RANBP1: variants seen among roughly 807,000 people sequenced by gnomAD.
RANBP1 encodes RAN binding protein 1, also known as ran-specific GTPase-activating protein.
A neutral mutation model predicts 31.4 loss-of-function variants in RANBP1; 16 were observed. That is an observed-to-expected ratio of 0.51 (90% CI 0.34 to 0.77). The LOEUF (loss-of-function observed/expected upper bound fraction) is 0.77. Among genes scored for constraint, RANBP1 ranks in the 30% least tolerant of loss-of-function variants. The probability of loss-of-function intolerance (pLI) is 0.01; values close to 1 mark genes in which losing one functional copy is unlikely to be tolerated. For missense variants in RANBP1, 265 were observed against 362.0 expected, an observed-to-expected ratio of 0.73 and a Z score of 2.17; for synonymous variants, 129 against 140.5, an observed-to-expected ratio of 0.92 and a Z score of 0.58.
At chr22:20,118,364 T>C (rs560413277) in intron 1 of RANBP1, 5 of 1,000,688 alleles carry the variant, frequency 5.0e-6, no homozygotes, top group Non-Finnish European at 6.0e-6. Flanking sequence ...GGTGCTCTCT[T>C]ATCCTCTAAA....
intron 1 of RANBP1, chr22:20,118,398 C>A (rs927045371): frequency 6.3e-6 from 6 of 955,852 alleles, no homozygotes; most frequent in African/African-American, 1.8e-5. Flanking sequence ...TCATGACTTT[C>A]ACCGGTACAA....
At chr22:20,117,114 G>T in intron 1 of RANBP1, 1 of 679,686 alleles carries the variant, frequency 1.5e-6, no homozygotes, top group Non-Finnish European at 2.4e-6. Flanking sequence ...GCTCAGGTCC[G>T]GGTCTCAGGC....
In RANBP1 at chr22:20,127,194, GTTT is replaced by G. The variant is rs143470990; in HGVS notation, c.*152_*154del. ...AAGAACTGAACTCAACATTCAGGTT[GTTT>G]TTTTTTTTTGTTTCTAAGTTTTTGC... On this transcript the variant is annotated 3_prime_UTR_variant, in exon 6 of 6. Coordinates refer to ENST00000430524, the MANE Select transcript of RANBP1 (RefSeq NM_001278639.2). 12 of 446,980 alleles carry G rather than the reference GTTT, an allele frequency of 2.7e-5. No individual in the cohort carries two copies. The highest frequency in any genetic ancestry group is 5.0e-5 in the East Asian group (1 of 19,944). 27.7% of individuals were successfully genotyped at this position (446,980 alleles called of 1,614,324 possible).
chr22:20,121,230 G>A (rs2050163023), intron 2 of RANBP1, among the ~76,000 whole-genome samples: 1 of 151,922 alleles, frequency 6.6e-6, no homozygotes, highest in South Asian at 2.1e-4. Context: ...TGGAATTACA[G>A]GCGTGAGCCC....
At chr22:20,117,648 C>T (rs867809433) in intron 1 of RANBP1, 181 of 1,174,066 alleles carry the variant, frequency 1.5e-4, no homozygotes, top group Middle Eastern at 7.2e-4. Context: ...CGCCGCGCCC[C>T]CATGGCGGCC....
At chr22:20,125,655 G>T (rs1371995712) in intron 4 of RANBP1, 1 of 1,438,306 alleles carries the variant, frequency 7.0e-7, no homozygotes, top group Non-Finnish European at 9.1e-7. Context: ...CCAAGTAGCT[G>T]GTGAACAGCA....
Position 20,116,297 on chromosome 22 carries a change from C to T in RANBP1, c.113C>T (p.Thr38Ile). ...CTCTCTGCAGCGCTGCGGAATGTCA[C>T]AAAGGCGCAGGGTGGTTGCCCAAAG... ...LSLSAALRNV[T>I]KAQGGCPKSL... The change falls in exon 1 of 6, where the codon ACA (threonine) becomes ATA (isoleucine). Residue 38 changes from threonine (T) to isoleucine (I), a missense_variant. Around this residue, in one of 3 missense-constraint regions of RANBP1, gnomAD observed 126 missense variants for 123.6 expected, o/e 1.02. Coordinates refer to ENST00000430524, the MANE Select transcript of RANBP1 (RefSeq NM_001278639.2). 1 of 1,612,990 alleles carries T rather than the reference C, an allele frequency of 6.2e-7. No individual in the cohort carries two copies. The highest frequency in any genetic ancestry group is 8.5e-7 in the Non-Finnish European group (1 of 1,180,028).
chr22:20,117,463 T>A, intron 1 of RANBP1: 1 of 1,199,132 alleles, frequency 8.3e-7, no homozygotes, highest in Non-Finnish European at 1.0e-6. Context: ...GTACTGGTTT[T>A]GAATCGCGGC....
rs560448160 is a variant in RANBP1, at chr22:20,116,257, C to T, written c.73C>T (p.Arg25Cys). The T allele has an allele frequency of 3.1e-6, 5 of 1,612,988 alleles. No individual in the cohort carries two copies. The Admixed American group carries it at 6.7e-5, about 21-fold the overall frequency. Residue 25 changes from arginine to cysteine, a missense_variant, in exon 1 of 6, where the codon CGC becomes TGC. By Grantham distance (180) the Arg-to-Cys change is radical. Around this residue, in one of 3 missense-constraint regions of RANBP1, gnomAD observed 126 missense variants for 123.6 expected, o/e 1.02. Coordinates refer to ENST00000430524, the MANE Select transcript of RANBP1 (RefSeq NM_001278639.2). The stretch of plus-strand genomic sequence containing the variant: ...TTTCCAGAGGGCACCATGCAAAACG[C>T]GCAGGGCCTTGTCCCTCTCTGCAGC... ...RPFQRAPCKT[R>C]RALSLSAALR... is the part of the protein sequence containing the mutation.
At chr22:20,117,108 A>G (rs1822727062) in intron 1 of RANBP1, 5 of 689,762 alleles carry the variant, frequency 7.2e-6, no homozygotes, top group Non-Finnish European at 1.2e-5. Flanking sequence ...TGCGATGCTC[A>G]GGTCCGGGTC....
chr22:20,117,475 C>T (rs2050061900), intron 1 of RANBP1: 1 of 1,200,942 alleles, frequency 8.3e-7, no homozygotes. Flanking sequence ...AATCGCGGCG[C>T]GTTTCCCGCC....
intron 3 of RANBP1, chr22:20,122,722 G>GGTGTGTGTGT: frequency 1.1e-6 from 1 of 913,192 alleles, no homozygotes; most frequent in South Asian, 1.5e-5. Flanking sequence ...GCGAGGGGGT[G>GGTGTGTGTGT]CTGTGTGTGT....
At position 20,116,265 on chromosome 22, in the gene RANBP1, C is replaced by A; in HGVS notation, c.81C>A (p.Ala27=). ...GGGCACCATGCAAAACGCGCAGGGC[C>A]TTGTCCCTCTCTGCAGCGCTGCGGA... The part of the protein sequence containing the change: ...FQRAPCKTRR[A]LSLSAALRNV... The change falls in exon 1 of 6, where the codon GCC becomes GCA. Residue 27 remains alanine, a synonymous_variant. Coordinates refer to ENST00000430524, the MANE Select transcript of RANBP1 (RefSeq NM_001278639.2). The A allele has an allele frequency of 6.2e-7, 1 of 1,612,966 alleles. No individual in the cohort carries two copies. The highest frequency in any genetic ancestry group is 8.5e-7 in the Non-Finnish European group (1 of 1,180,030).
intron 2 of RANBP1, among the ~76,000 whole-genome samples, chr22:20,120,435 C>T (rs1602537357): frequency 6.6e-6 from 1 of 152,234 alleles, no homozygotes; most frequent in African/African-American, 2.4e-5. Context: ...CCAGGCCCTT[C>T]CTGAGGGAGG....
chr22:20,125,381 C>T lies in RANBP1; in HGVS notation c.615C>T (p.Phe205=), dbSNP rs148031759. 1.7e-4 allele frequency: 273 copies of T among 1,611,558 alleles called. 1 individual carries two copies. In the African/African-American group the frequency reaches 3.2e-3, roughly 19 times the overall value. Residue 205 remains phenylalanine (F), a synonymous_variant, in exon 4 of 6, where the codon TTC becomes TTT. Transcript: ENST00000430524. The stretch of plus-strand genomic sequence containing the variant: ...GGGTCTGGAACACCCACGCTGACTT[C>T]GCCGACGAGTGCCCCAAGCCAGAGC... ...RAWVWNTHAD[F]ADECPKPELL...
chr22:20,116,966 C>T lies in RANBP1; in HGVS notation c.246+536C>T, dbSNP rs2050046162. ...CATGGGGGCCGCCTGGCCACCTCGT[C>T]CTGGGCCTGTCACAAGGGAAGTGGC... is the stretch of plus-strand genomic sequence containing the variant. On this transcript the variant is annotated intron_variant, in intron 1 of 5. Transcript: ENST00000430524. The T allele has an allele frequency of 1.7e-5, 27 of 1,559,384 alleles. 1 individual carries two copies. The South Asian group carries it at 2.9e-4, about 17-fold the overall frequency.
Position 20,116,431 on chromosome 22 carries a change from G to GTA in RANBP1, c.246+2_246+3dup, listed in dbSNP as rs2050021817. 3.1e-6 allele frequency: 5 copies of GTA among 1,612,606 alleles called. No individual in the cohort carries two copies. The highest frequency in any genetic ancestry group is 3.4e-6 in the Non-Finnish European group (4 of 1,179,766). ...CAGCTCCAGTTTAAAGATCTCAGAG[G>GTA]TAAACAAGTCATCCCTGATGTAGCT... On this transcript the variant is annotated splice_donor_variant, in intron 1 of 5. Transcript: ENST00000430524. LOFTEE classifies it high-confidence loss of function.
chr22:20,122,439 C>T lies in RANBP1; in HGVS notation c.541+18C>T, dbSNP rs779751451. Reference sequence around the variant, plus strand: ...CCACTACAGTAGGTGGCATGAACGACCACCTCGACAGTCCCCAGCAGCTTG... The same window carrying T: ...CCACTACAGTAGGTGGCATGAACGATCACCTCGACAGTCCCCAGCAGCTTG... On this transcript the variant is annotated intron_variant, in intron 3 of 5. Transcript: ENST00000430524. 6.2e-7 allele frequency: 1 copy of T among 1,611,126 alleles called. No homozygotes were observed.
intron 1 of RANBP1, chr22:20,117,707 C>T: frequency 5.6e-6 from 6 of 1,068,590 alleles, no homozygotes; most frequent in Non-Finnish European, 6.9e-6. Flanking sequence ...CGGGCGGGGC[C>T]GGGGCCGTTA....
Sources: allele counts gnomAD v4.1 joint callset (sites outside exome capture counted in the v4.1 genomes callset), GRCh38; gene constraint gnomAD v4.1.1; regional missense constraint gnomAD v4.1.1; transcripts MANE v1.5; gene names NCBI Gene and HGNC (gene_info 2026-07-23, HGNC 2026-07-21).